The following SRGAP2 variants were observed in gnomAD, a reference collection of about 807,000 sequenced individuals.
SRGAP2 encodes the protein SLIT-ROBO Rho GTPase activating protein 2.
SRGAP2 carries 15 observed loss-of-function variants against 57.2 expected under a neutral mutation model. The observed-to-expected ratio is 0.26, with a 90% confidence interval of 0.18 to 0.40. The LOEUF (loss-of-function observed/expected upper bound fraction) is 0.40. Among genes scored for constraint, SRGAP2 ranks in the 10% least tolerant of loss-of-function variants. SRGAP2 has a pLI of 1.00. For synonymous variants in SRGAP2, 249 were observed against 248.0 expected (o/e 1.00, Z -0.04); for missense variants, 520 against 669.6 (o/e 0.78, Z 2.47).
At chr1:206,377,572 G>GA (rs1382360010) in intron 4 of SRGAP2, among the ~76,000 whole-genome samples, 65 of 46,912 alleles carry the variant, frequency 1.4e-3, no homozygotes, top group African/African-American at 6.1e-3. Context: ...GCTGGGACAG[G>GA]AAAAAAAATT....
intron 3 of SRGAP2, among the ~76,000 whole-genome samples, chr1:206,326,798 C>T (rs1240912118): frequency 5.3e-5 from 8 of 152,204 alleles, no homozygotes; most frequent in Non-Finnish European, 1.2e-4. Context: ...AAAGTCTCAG[C>T]TGCATTAGGC....
chr1:206,442,068 T>A (rs1553372234), intron 17 of SRGAP2, among the ~76,000 whole-genome samples: 1 of 152,258 alleles, frequency 6.6e-6, no homozygotes, highest in Non-Finnish European at 1.5e-5. Context: ...GACCATTTCA[T>A]AAGTGTCAGC....
intron 2 of SRGAP2, among the ~76,000 whole-genome samples, chr1:206,240,139 G>A (rs573317080): frequency 5.3e-5 from 8 of 152,060 alleles, no homozygotes; most frequent in Non-Finnish European, 1.2e-4. Flanking sequence ...GGTGTTGGGC[G>A]CCTGTAATCC....
chr1:206,436,241 A>G (rs1661744183), intron 14 of SRGAP2, among the ~76,000 whole-genome samples: 1 of 152,142 alleles, frequency 6.6e-6, no homozygotes, highest in Non-Finnish European at 1.5e-5. Flanking sequence ...TATTGAAAGC[A>G]TTGCCCCCTT....
chr1:206,295,406 G>A (rs1217244113), intron 2 of SRGAP2, among the ~76,000 whole-genome samples: 4 of 151,848 alleles, frequency 2.6e-5, no homozygotes, highest in Admixed American at 6.6e-5. Flanking sequence ...TGTATCTTTC[G>A]TAGTGATGGG....
At chr1:206,443,563 G>A (rs2103348636) in intron 17 of SRGAP2, among the ~76,000 whole-genome samples, 1 of 152,202 alleles carries the variant, frequency 6.6e-6, no homozygotes, top group South Asian at 2.1e-4. Flanking sequence ...TTGTAGTAGA[G>A]ACAGGGTTTC....
chr1:206,232,100 G>T (rs1342008401), intron 2 of SRGAP2, among the ~76,000 whole-genome samples: 2 of 151,604 alleles, frequency 1.3e-5, no homozygotes, highest in African/African-American at 2.4e-5. Flanking sequence ...AATGGTATCT[G>T]CCCTGGTGTC....
At position 206,372,984 on chromosome 1, in the gene SRGAP2, T is replaced by C. The variant is rs1370960988; in HGVS notation, c.424-11030T>C. On this transcript the variant is annotated intron_variant, in intron 4 of 22. Transcript: ENST00000573034. The stretch of plus-strand genomic sequence containing the variant: ...TCTTTCCTTTCTTTCTTTCTTTCTT[T>C]CTTTCTTTCTTTCTTTCTTTCTTTC... Among the ~76,000 whole-genome samples, 101 of 96,644 alleles carry C rather than the reference T, an allele frequency of 1.0e-3. 6 individuals carry two copies. Among genetic ancestry groups the C allele is most frequent in the African/African-American group, 3.9e-3 (84 of 21,732 alleles). 63.4% of individuals were successfully genotyped at this position (96,644 alleles called of 152,430 possible).
intron 16 of SRGAP2, among the ~76,000 whole-genome samples, chr1:206,439,739 A>G (rs577949756): frequency 6.6e-6 from 1 of 152,294 alleles, no homozygotes; most frequent in South Asian, 2.1e-4. Flanking sequence ...CCTGTGCCCA[A>G]GAAGTATACA....
intron 4 of SRGAP2, among the ~76,000 whole-genome samples, chr1:206,353,024 C>G (rs1453396128): frequency 1.3e-5 from 2 of 151,796 alleles, no homozygotes; most frequent in Non-Finnish European, 2.9e-5. Context: ...TATTCATTAT[C>G]TTTGGTTTTT....
At chr1:206,326,738 C>T (rs1407721103) in intron 3 of SRGAP2, among the ~76,000 whole-genome samples, 1 of 152,194 alleles carries the variant, frequency 6.6e-6, no homozygotes, top group East Asian at 1.9e-4. Flanking sequence ...TTCCATGATT[C>T]TATTTTTGTA....
chr1:206,237,763 A>G, intron 2 of SRGAP2, among the ~76,000 whole-genome samples: 1 of 140,266 alleles, frequency 7.1e-6, no homozygotes, highest in South Asian at 2.4e-4. Flanking sequence ...AGATGTGAGT[A>G]ATACACAACC....
chr1:206,437,618 AT>A, intron 15 of SRGAP2: 1 of 210,692 alleles, frequency 4.7e-6, no homozygotes, highest in Non-Finnish European at 9.4e-6. Flanking sequence ...CCTTGGCCTC[AT>A]TTTTCTCCCC....
At position 206,356,530 on chromosome 1, in the gene SRGAP2, CT is replaced by C. The variant is rs565380172; in HGVS notation, c.423+13523del. ...TCTGCAGTCATATGTTGCTGTGCTT[CT>C]GTCAGGTCAGAATTTCCATTGTGCT... On this transcript the variant is annotated intron_variant, in intron 4 of 22. Coordinates refer to ENST00000573034, the MANE Select transcript of SRGAP2 (RefSeq NM_015326.5). Among the ~76,000 whole-genome samples, 11 of 152,358 alleles carry C rather than the reference CT, an allele frequency of 7.2e-5. 1 individual carries two copies. The South Asian group carries it at 2.3e-3, about 32-fold the overall frequency.
chr1:206,333,783 C>G (rs1553332818), intron 3 of SRGAP2, among the ~76,000 whole-genome samples: 2 of 152,352 alleles, frequency 1.3e-5, no homozygotes, highest in South Asian at 2.1e-4. Flanking sequence ...AGTGGCAGAG[C>G]TAAGCCTAGA....
intron 4 of SRGAP2, among the ~76,000 whole-genome samples, chr1:206,371,294 CAAG>C (rs1359326316): frequency 5.6e-5 from 8 of 143,844 alleles, no homozygotes; most frequent in African/African-American, 2.1e-4. Context: ...TGTTTTCAGA[CAAG>C]AAAAATATGA....
rs1553379515 is a variant in SRGAP2 at position 206,458,861 on chromosome 1, A to G, written c.2746A>G (p.Ser916Gly). The change falls in exon 22 of 23, where the codon AGT becomes GGT. Residue 916 changes from serine to glycine, a missense_variant. Around this residue, in one of 5 missense-constraint regions of SRGAP2, gnomAD observed 478 missense variants for 373.6 expected, o/e 1.28. Coordinates refer to ENST00000573034, the MANE Select transcript of SRGAP2 (RefSeq NM_015326.5). The stretch of plus-strand genomic sequence containing the variant: ...CTCATCCCTGAAGAATCGGCTGGAT[A>G]GTCCACAGATCCGGAAGACTGCCAC... ...RHSSLKNRLDSPQIRKTATAG... is the reference protein window; with the variant it reads ...RHSSLKNRLDGPQIRKTATAG... The G allele has an allele frequency of 1.3e-6, 1 of 780,670 alleles. No homozygotes were observed. 48.4% of individuals were successfully genotyped at this position (780,670 alleles called of 1,614,324 possible).
intron 11 of SRGAP2, among the ~76,000 whole-genome samples, chr1:206,418,335 T>G (rs1288732800): frequency 6.6e-6 from 1 of 152,196 alleles, no homozygotes; most frequent in East Asian, 1.9e-4. Context: ...GGGTAGGGGA[T>G]GGCGTTGCTC....
chr1:206,375,497 G>C (rs1308114786), intron 4 of SRGAP2, among the ~76,000 whole-genome samples: 1 of 152,210 alleles, frequency 6.6e-6, no homozygotes, highest in Admixed American at 6.5e-5. Context: ...AAAGATCACA[G>C]TGGTAGTTTA....
Sources: allele counts gnomAD v4.1 joint callset (sites outside exome capture counted in the v4.1 genomes callset), GRCh38; gene constraint gnomAD v4.1.1; regional missense constraint gnomAD v4.1.1; transcripts MANE v1.5; gene names NCBI Gene and HGNC (gene_info 2026-07-23, HGNC 2026-07-21).